RABGAP1L: variants seen among roughly 807,000 people sequenced by gnomAD.
RABGAP1L encodes rab GTPase-activating protein 1-like.
In RABGAP1L, 63 loss-of-function variants were observed where a neutral mutation model predicts 137.7. The observed-to-expected ratio is 0.46, with a 90% CI of 0.37 to 0.56. The LOEUF (loss-of-function observed/expected upper bound fraction) is 0.56. RABGAP1L is among the 20% of genes least tolerant of loss of function. RABGAP1L has a pLI of 0.00. For missense variants in RABGAP1L, 1,095 were observed against 1,244.0 expected, an observed-to-expected ratio of 0.88 and a Z score of 1.80; for synonymous variants, 431 against 433.7, an observed-to-expected ratio of 0.99 and a Z score of 0.08.
intron 13 of RABGAP1L, among the ~76,000 whole-genome samples, chr1:174,502,091 A>G (rs1486157893): frequency 6.6e-6 from 1 of 151,790 alleles, no homozygotes; most frequent in East Asian, 1.9e-4. Flanking sequence ...TATATTAATT[A>G]TAATATGCAT....
chr1:174,431,936 A>ATTTTTC (rs912456320), intron 13 of RABGAP1L, among the ~76,000 whole-genome samples: 13 of 152,024 alleles, frequency 8.6e-5, no homozygotes, highest in Non-Finnish European at 1.6e-4. Flanking sequence ...ACTTGGGATC[A>ATTTTTC]TTTTTCTTTT....
At chr1:174,911,664 C>G (rs545853706) in intron 19 of RABGAP1L, among the ~76,000 whole-genome samples, 6 of 152,142 alleles carry the variant, frequency 3.9e-5, no homozygotes, top group Non-Finnish European at 7.4e-5. Context: ...TTAAAGCTCC[C>G]TTGCTGAACC....
At chr1:174,470,954 A>G (rs887559790) in intron 13 of RABGAP1L, among the ~76,000 whole-genome samples, 6 of 152,164 alleles carry the variant, frequency 3.9e-5, no homozygotes, top group African/African-American at 1.4e-4. Context: ...AAGAATTAAG[A>G]GTACTGACAT....
intron 11 of RABGAP1L, among the ~76,000 whole-genome samples, chr1:174,366,286 A>G (rs1339644724): frequency 1.3e-5 from 2 of 152,170 alleles, no homozygotes; most frequent in Admixed American, 6.5e-5. Context: ...TGAGTTTTTC[A>G]TCTCAGTTAT....
intron 13 of RABGAP1L, among the ~76,000 whole-genome samples, chr1:174,503,971 T>G (rs1391010377): frequency 6.7e-6 from 1 of 149,314 alleles, no homozygotes; most frequent in African/African-American, 2.4e-5. Flanking sequence ...CTCTTTTTTT[T>G]TTCTTTTCTT....
At chr1:174,219,343 T>C in intron 2 of RABGAP1L, 48 bp downstream of exon 2, 1 of 1,321,386 alleles carries the variant, frequency 7.6e-7, no homozygotes, top group Non-Finnish European at 1.0e-6. Context: ...TTAAAAACTA[T>C]TTGAAACTTA....
In RABGAP1L at chr1:174,885,444, A is replaced by G. The variant is rs371358994; in HGVS notation, c.2341-72013A>G. ...AGGTCTGTCGCTCACTGCTGCCTCA[A>G]CCTCCTAGGATCAGGTGATCCTCTC... On this transcript the variant is annotated intron_variant, in intron 19 of 25. Transcript: ENST00000681986. Among the ~76,000 whole-genome samples the G allele has an allele frequency of 3.3e-5, 5 of 151,996 alleles. No individual in the cohort carries two copies. In the East Asian group the frequency reaches 5.8e-4, roughly 18 times the overall value.
intron 5 of RABGAP1L, among the ~76,000 whole-genome samples, chr1:174,249,180 G>A (rs915332533): frequency 1.3e-5 from 2 of 152,060 alleles, no homozygotes; most frequent in African/African-American, 4.8e-5. Context: ...CACTAGAGTG[G>A]CCTAATACCA....
chr1:174,442,658 T>A (rs1004861984), intron 13 of RABGAP1L, among the ~76,000 whole-genome samples: 4 of 152,192 alleles, frequency 2.6e-5, no homozygotes, highest in African/African-American at 9.6e-5. Context: ...GATACATGCA[T>A]ACAATGTGTA....
In RABGAP1L at chr1:174,528,108, A is replaced by G. The variant is rs552180886; in HGVS notation, c.1711-109267A>G. 6.6e-5 allele frequency among the ~76,000 whole-genome samples: 10 copies of G among 152,068 alleles called. No homozygotes were observed. The East Asian group carries it at 7.7e-4, about 12-fold the overall frequency. The stretch of plus-strand genomic sequence containing the variant: ...TTTTTTTAATTCATTCAGTGAGTCT[A>G]TATCTATTAAGTGAAGAGTTTAATT... On this transcript the variant is annotated intron_variant, in intron 13 of 25. Coordinates refer to ENST00000681986, the MANE Select transcript of RABGAP1L (RefSeq NM_001366446.1).
chr1:174,784,494 G>T (rs538698367), intron 18 of RABGAP1L, among the ~76,000 whole-genome samples: 1 of 152,156 alleles, frequency 6.6e-6, no homozygotes, highest in Non-Finnish European at 1.5e-5. Flanking sequence ...GGTGGGAGAG[G>T]TTTACCCCAG....
chr1:174,777,513 G>T (rs1686618998), intron 18 of RABGAP1L, among the ~76,000 whole-genome samples: 1 of 152,166 alleles, frequency 6.6e-6, no homozygotes, highest in Non-Finnish European at 1.5e-5. Context: ...GAGCATCATT[G>T]CTTTATAGTT....
chr1:174,256,706 G>A (rs1391400720), intron 7 of RABGAP1L, among the ~76,000 whole-genome samples: 1 of 152,122 alleles, frequency 6.6e-6, no homozygotes, highest in Non-Finnish European at 1.5e-5. Context: ...CCTTGAACCC[G>A]GGAAGTGGTG....
chr1:174,824,226 G>A (rs931259282), intron 19 of RABGAP1L, among the ~76,000 whole-genome samples: 1 of 152,110 alleles, frequency 6.6e-6, no homozygotes, highest in Non-Finnish European at 1.5e-5. Flanking sequence ...GAAGGCAGAG[G>A]TTGCAGTGAG....
chr1:174,482,252 G>C (rs967305360), intron 13 of RABGAP1L, among the ~76,000 whole-genome samples: 4 of 152,212 alleles, frequency 2.6e-5, no homozygotes, highest in Non-Finnish European at 4.4e-5. Context: ...TTTTAGTCTA[G>C]TGAGACCCAT....
chr1:174,667,271 C>G (rs1337411975), intron 14 of RABGAP1L, among the ~76,000 whole-genome samples: 1 of 152,090 alleles, frequency 6.6e-6, no homozygotes, highest in Non-Finnish European at 1.5e-5. Context: ...AAACCCAAGG[C>G]AAATCAGAAC....
rs537087515 is a variant in RABGAP1L, at chr1:174,534,032, C to T, written c.1711-103343C>T. 5.3e-5 allele frequency among the ~76,000 whole-genome samples: 8 copies of T among 152,058 alleles called. No homozygotes were observed. In the East Asian group the frequency reaches 1.5e-3, roughly 29 times the overall value. ...ACCAAGGCTTCTGGCTAGCAGTAGG[C>T]TACTAGTAGTTGAGTTTTTGGGGAG... On this transcript the variant is annotated intron_variant, in intron 13 of 25. Coordinates refer to ENST00000681986, the MANE Select transcript of RABGAP1L (RefSeq NM_001366446.1).
At chr1:174,680,108 G>T (rs1343491699) in intron 14 of RABGAP1L, among the ~76,000 whole-genome samples, 1 of 152,176 alleles carries the variant, frequency 6.6e-6, no homozygotes, top group Non-Finnish European at 1.5e-5. Context: ...TTGAAAAACA[G>T]CATTAAGAAA....
chr1:174,958,073 A>C, intron 20 of RABGAP1L: 2 of 1,521,440 alleles, frequency 1.3e-6, no homozygotes, highest in South Asian at 1.2e-5. Context: ...TAGCAGGTGA[A>C]CTGTTCCAAG....
Sources: allele counts gnomAD v4.1 joint callset (sites outside exome capture counted in the v4.1 genomes callset), GRCh38; gene constraint gnomAD v4.1.1; transcripts MANE v1.5; gene names NCBI Gene and HGNC (gene_info 2026-07-23, HGNC 2026-07-21).